The following ALPK2 variants were observed in gnomAD, a reference collection of about 807,000 sequenced individuals.
The protein encoded by ALPK2 is alpha kinase 2.
ALPK2 carries 127 observed loss-of-function variants against 163.1 expected under a neutral mutation model. That is an observed-to-expected ratio of 0.78 (90% confidence interval 0.67 to 0.90). ALPK2 has a LOEUF of 0.90. ALPK2 is among the 40% of genes least tolerant of loss of function. ALPK2 has a pLI of 0.00. For synonymous variants in ALPK2, 953 were observed against 959.1 expected, an observed-to-expected ratio of 0.99 and a Z score of 0.12; for missense variants, 2,360 against 2,589.6, an observed-to-expected ratio of 0.91 and a Z score of 1.92.
In ALPK2 at chr18:58,580,249, G is replaced by T; in HGVS notation, c.527C>A (p.Ser176Ter). 4 of 1,614,236 alleles carry T rather than the reference G, an allele frequency of 2.5e-6. No individual in the cohort carries two copies. The highest frequency in any genetic ancestry group is 3.4e-6 in the Non-Finnish European group (4 of 1,180,040). Residue 176 changes from serine to a stop codon, truncating the protein, a stop_gained, in exon 4 of 13, where the codon TCA (serine) becomes TAA (stop). Transcript: ENST00000361673. LOFTEE classifies it high-confidence loss of function. ...SKSNHSLSLQ[S>*]LGNLDISVSS... ...CACACTAATGTCAAGATTGCCCAAT[G>T]ACTGGAGGGAGAGTGAATGGTTGGA...
chr18:58,601,349 ATCAAT>A (rs2052068733), intron 3 of ALPK2, among the ~76,000 whole-genome samples: 1 of 152,198 alleles, frequency 6.6e-6, no homozygotes, highest in African/African-American at 2.4e-5. Flanking sequence ...GATTTAAAAG[ATCAAT>A]TAAATTTCCC....
intron 12 of ALPK2, among the ~76,000 whole-genome samples, chr18:58,495,326 A>G (rs774345306): frequency 5.3e-5 from 8 of 152,180 alleles, no homozygotes; most frequent in Admixed American, 1.3e-4. Context: ...GCTCTCAAAC[A>G]CTTCAGAATC....
At position 58,580,047 on chromosome 18, in the gene ALPK2, C is replaced by T. The variant is rs373041085; in HGVS notation, c.729G>A (p.Thr243=). 13 of 1,614,112 alleles carry T rather than the reference C, an allele frequency of 8.1e-6. No homozygotes were observed. Among genetic ancestry groups the T allele is most frequent in the Admixed American group, 5.0e-5 (3 of 60,010 alleles). Residue 243 remains threonine (T), a synonymous_variant, in exon 4 of 13, where the codon ACG becomes ACA. Transcript: ENST00000361673. Reference sequence around the variant, plus strand: ...GACCATCATTGTTCAGGTCACCATCCGTGAACTTTGATGCCATGGAATGCA... The same window carrying T: ...GACCATCATTGTTCAGGTCACCATCTGTGAACTTTGATGCCATGGAATGCA... The part of the protein sequence containing the change: ...KTVHSMASKF[T]DGDLNNDGPH...
At chr18:58,483,197 T>A (rs970588612) in intron 12 of ALPK2, among the ~76,000 whole-genome samples, 3 of 152,180 alleles carry the variant, frequency 2.0e-5, no homozygotes, top group Non-Finnish European at 4.4e-5. Context: ...CCCATGGGGA[T>A]AAACACTTTG....
chr18:58,621,336 A>G (rs1485592099), intron 1 of ALPK2, among the ~76,000 whole-genome samples: 1 of 149,642 alleles, frequency 6.7e-6, no homozygotes, highest in Non-Finnish European at 1.5e-5. Context: ...GTGCAGTGGC[A>G]CTATCTCGGC....
rs368707204 is a variant in ALPK2 at position 58,535,693 on chromosome 18, G to A, written c.4494C>T (p.Ser1498=). 7 of 1,614,116 alleles carry A rather than the reference G, an allele frequency of 4.3e-6. No homozygotes were observed. Among genetic ancestry groups the A allele is most frequent in the Admixed American group, 1.7e-5 (1 of 60,012 alleles). ...CACTTGGAATTCTTTCACCGCCTTC[G>A]CTGGGTTGCAGGACTTGCCAAATGG... The part of the protein sequence containing the change: ...KTAIWQVLQP[S]EGGERIPSGC... The change falls in exon 5 of 13, where the codon AGC becomes AGT. Residue 1498 remains serine, a synonymous_variant. Coordinates refer to ENST00000361673, the MANE Select transcript of ALPK2 (RefSeq NM_052947.4).
chr18:58,617,219 C>T (rs569399315), intron 1 of ALPK2, among the ~76,000 whole-genome samples: 158 of 152,226 alleles, frequency 1.0e-3, no homozygotes, highest in African/African-American at 3.7e-3. Flanking sequence ...GAGAGTCTCA[C>T]TATGTCGCCC....
chr18:58,570,306 A>G (rs2051879366), intron 4 of ALPK2, among the ~76,000 whole-genome samples: 1 of 152,242 alleles, frequency 6.6e-6, no homozygotes, highest in African/African-American at 2.4e-5. Context: ...CTGTATTACA[A>G]GATGGTTTAG....
chr18:58,495,733 A>G (rs1248095865), intron 12 of ALPK2, among the ~76,000 whole-genome samples: 1 of 152,268 alleles, frequency 6.6e-6, no homozygotes, highest in Non-Finnish European at 1.5e-5. Context: ...AGGCTAAGAC[A>G]TGAGGAGCGA....
intron 12 of ALPK2, among the ~76,000 whole-genome samples, chr18:58,492,688 G>A (rs770429482): frequency 5.3e-5 from 8 of 152,198 alleles, no homozygotes; most frequent in Non-Finnish European, 1.0e-4. Context: ...TGCAGCACCT[G>A]TCCCTGAGTC....
At chr18:58,583,187 T>C (rs2051968342) in intron 3 of ALPK2, among the ~76,000 whole-genome samples, 1 of 152,182 alleles carries the variant, frequency 6.6e-6, no homozygotes, top group Admixed American at 6.5e-5. Flanking sequence ...GGACCTGCTC[T>C]TTGTGATGTG....
At position 58,568,662 on chromosome 18, in the gene ALPK2, A is replaced by T. The variant is rs2051869379; in HGVS notation, c.1962+10152T>A. On this transcript the variant is annotated intron_variant, in intron 4 of 12. Coordinates refer to ENST00000361673, the MANE Select transcript of ALPK2 (RefSeq NM_052947.4). The stretch of plus-strand genomic sequence containing the variant: ...ATGGACCCAAGAGATTTGGGGAAAA[A>T]TTGCATCTTTACTGAATGTGTACAG... Among the ~76,000 whole-genome samples, 5 of 152,196 alleles carry T rather than the reference A, an allele frequency of 3.3e-5. No homozygotes were observed. In the South Asian group the frequency reaches 1.0e-3, roughly 31 times the overall value.
chr18:58,619,715 T>C (rs2052188105), intron 1 of ALPK2, among the ~76,000 whole-genome samples: 1 of 151,962 alleles, frequency 6.6e-6, no homozygotes, highest in African/African-American at 2.4e-5. Flanking sequence ...CAAGCTGCAC[T>C]TTTTGTTTTT....
intron 4 of ALPK2, among the ~76,000 whole-genome samples, chr18:58,548,150 A>G (rs1485093531): frequency 6.6e-6 from 1 of 152,164 alleles, no homozygotes; most frequent in Non-Finnish European, 1.5e-5. Context: ...GTATTCGGCT[A>G]TTGGAAAATC....
At position 58,580,193 on chromosome 18, in the gene ALPK2, C is replaced by A. The variant is rs1387502295; in HGVS notation, c.583G>T (p.Gly195Ter). ...SSSENPLGVK[G>*]TRHTGEAYDP... Reference sequence around the variant, plus strand: ...TAAGCCTCTCCAGTGTGCCTTGTTCCTTTAACACCCAAAGGATTTTCAGAA... The same window carrying A: ...TAAGCCTCTCCAGTGTGCCTTGTTCATTTAACACCCAAAGGATTTTCAGAA... Residue 195 changes from glycine (G) to a stop codon, truncating the protein, a stop_gained, in exon 4 of 13, where the codon GGA (glycine) becomes TGA (stop). Coordinates refer to ENST00000361673, the MANE Select transcript of ALPK2 (RefSeq NM_052947.4). LOFTEE classifies it high-confidence loss of function. 6.2e-7 allele frequency: 1 copy of A among 1,614,180 alleles called. No individual in the cohort carries two copies.
At chr18:58,577,044 A>G (rs34295138) in intron 4 of ALPK2, among the ~76,000 whole-genome samples, 24,397 of 152,138 alleles carry the variant, frequency 0.16, 2,140 homozygotes, top group African/African-American at 0.22. Flanking sequence ...GAGTGGGTAT[A>G]TAGTGATGAA....
Position 58,529,119 on chromosome 18 carries a change from A to G in ALPK2, c.5473T>C (p.Ser1825Pro). Residue 1825 changes from serine to proline, a missense_variant, in exon 6 of 13, where the codon TCA becomes CCA. By Grantham distance (74) the Ser-to-Pro change is moderately conservative (BLOSUM62 -1). Transcript: ENST00000361673. ...CTCTGCACTTGGGCTATGGACTTTG[A>G]ATCTTTTGTCCAGCAGATAGTAGAA... is the stretch of plus-strand genomic sequence containing the variant. ...EDSTICWTKD[S>P]KSIAQVQRSA... 6.2e-7 allele frequency: 1 copy of G among 1,614,154 alleles called. No individual in the cohort carries two copies. Among genetic ancestry groups the G allele is most frequent in the Non-Finnish European group, 8.5e-7 (1 of 1,179,986 alleles).
chr18:58,578,765 C>CACACAA, intron 4 of ALPK2, 49 bp downstream of exon 4: 1 of 1,556,206 alleles, frequency 6.4e-7, no homozygotes, highest in Non-Finnish European at 8.7e-7. Flanking sequence ...CACACACACA[C>CACACAA]ACACACGGTT....
intron 1 of ALPK2, among the ~76,000 whole-genome samples, chr18:58,618,460 C>G (rs2052181428): frequency 6.6e-6 from 1 of 152,168 alleles, no homozygotes; most frequent in African/African-American, 2.4e-5. Flanking sequence ...GCTCAAACCT[C>G]AGCTGTGCCA....
Sources: gnomAD v4.1 joint callset for allele counts (sites outside exome capture counted in the v4.1 genomes callset) on GRCh38, gnomAD v4.1.1 for gene constraint, MANE v1.5 for transcripts, NCBI Gene and HGNC (gene_info 2026-07-23, HGNC 2026-07-21) for gene names.